Variants in TMEM272 observed in about 807,000 individuals in gnomAD.
TMEM272 encodes the protein long intergenic non-protein coding RNA 282.
A neutral mutation model predicts 3.7 loss-of-function variants in TMEM272; 8 were observed. That is an observed-to-expected ratio of 2.17 (90% confidence interval 1.27 to 3.91). The LOEUF (loss-of-function observed/expected upper bound fraction) is 3.91, where lower values mean the gene tolerates loss of function less well. Ranked by LOEUF, TMEM272 falls within the 30% of genes most tolerant of loss-of-function variation. The pLI, the probability that TMEM272 is intolerant of heterozygous loss-of-function variation, is 0.00. For missense variants in TMEM272, 166 were observed against 91.5 expected (o/e 1.81, Z -3.32); for synonymous variants, 63 against 39.8 (o/e 1.58, Z -2.20).
chr13:51,870,294 C>G, the TMEM272 span, among the ~76,000 whole-genome samples: 1 of 152,204 alleles, frequency 6.6e-6, no homozygotes, highest in Admixed American at 6.5e-5. Flanking sequence ...CAGAGCCATC[C>G]ATTTTATTAG....
intron 3 of TMEM272, among the ~76,000 whole-genome samples, chr13:51,822,528 G>C (rs951324437): frequency 1.3e-5 from 2 of 152,168 alleles, no homozygotes; most frequent in Non-Finnish European, 2.9e-5. Context: ...CTTAAAATAA[G>C]GTTCAATTTA....
At chr13:51,902,846 AC>A in the TMEM272 span, among the ~76,000 whole-genome samples, 1 of 152,276 alleles carries the variant, frequency 6.6e-6, no homozygotes, top group Admixed American at 6.5e-5. Flanking sequence ...GAAACAGATA[AC>A]TAACACAGCC....
intron 2 of TMEM272, among the ~76,000 whole-genome samples, chr13:51,826,964 A>T (rs1409175944): frequency 1.3e-5 from 2 of 152,228 alleles, no homozygotes; most frequent in Non-Finnish European, 2.9e-5. Context: ...GCCGGCATCC[A>T]CTGAGCCAGG....
chr13:51,931,843 A>G, the TMEM272 span, among the ~76,000 whole-genome samples: 644 of 152,192 alleles, frequency 4.2e-3, 7 homozygotes, highest in African/African-American at 0.015. Flanking sequence ...TGCAGTCACA[A>G]TGAGCCATGA....
intron 2 of TMEM272, among the ~76,000 whole-genome samples, chr13:51,829,059 C>A (rs144642687): frequency 3.3e-4 from 50 of 152,254 alleles, no homozygotes; most frequent in Non-Finnish European, 4.9e-4. Context: ...TAGAATACAC[C>A]CATATCAAGA....
At chr13:51,831,150 G>C (rs1275917300) in intron 2 of TMEM272, among the ~76,000 whole-genome samples, 2 of 152,186 alleles carry the variant, frequency 1.3e-5, no homozygotes, top group South Asian at 2.1e-4. Flanking sequence ...ACCCTGGCAT[G>C]GTTGCTCACA....
the TMEM272 span, among the ~76,000 whole-genome samples, chr13:51,868,353 T>C: frequency 6.6e-6 from 1 of 152,222 alleles, no homozygotes; most frequent in African/African-American, 2.4e-5. Flanking sequence ...CAGCAGTGCA[T>C]GTCACTCGAG....
At chr13:51,893,647 A>G in the TMEM272 span, among the ~76,000 whole-genome samples, 1 of 152,052 alleles carries the variant, frequency 6.6e-6, no homozygotes, top group African/African-American at 2.4e-5. Flanking sequence ...GAGAATGTGA[A>G]CATTCAAATG....
chr13:51,820,727 C>T (rs1956071565), intron 4 of TMEM272, among the ~76,000 whole-genome samples: 1 of 152,188 alleles, frequency 6.6e-6, no homozygotes, highest in African/African-American at 2.4e-5. Context: ...GGCACTCAAA[C>T]CGTTAGAGCC....
chr13:51,838,834 C>T (rs920126840), intron 1 of TMEM272, among the ~76,000 whole-genome samples: 3 of 152,180 alleles, frequency 2.0e-5, no homozygotes, highest in Non-Finnish European at 4.4e-5. Flanking sequence ...ATGGTAACAG[C>T]TCTCACTTGC....
At chr13:51,866,197 T>C in the TMEM272 span, 2 of 885,408 alleles carry the variant, frequency 2.3e-6, no homozygotes, top group Non-Finnish European at 3.3e-6. Flanking sequence ...CTTTGAAAGA[T>C]CCAATAAAGT....
At chr13:51,869,558 C>T in the TMEM272 span, among the ~76,000 whole-genome samples, 5 of 151,152 alleles carry the variant, frequency 3.3e-5, no homozygotes, top group African/African-American at 7.3e-5. Context: ...GGCACGATCT[C>T]GGCTCACTGC....
At chr13:51,919,392 G>A in the TMEM272 span, among the ~76,000 whole-genome samples, 1 of 152,050 alleles carries the variant, frequency 6.6e-6, no homozygotes, top group African/African-American at 2.4e-5. Flanking sequence ...TATAGCTGAA[G>A]GCCCCGACAC....
At chr13:51,884,136 T>C in the TMEM272 span, among the ~76,000 whole-genome samples, 2 of 152,216 alleles carry the variant, frequency 1.3e-5, no homozygotes, top group Non-Finnish European at 2.9e-5. Flanking sequence ...TAGAGAATGA[T>C]GCACCCTCAG....
rs531788790 is a variant in TMEM272, at chr13:51,834,368, C to T, written c.58+4105G>A. Among the ~76,000 whole-genome samples the T allele has an allele frequency of 2.0e-5, 3 of 152,232 alleles. No homozygotes were observed. In the East Asian group the frequency reaches 5.8e-4, roughly 29 times the overall value. ...GCCCCAGACCCCCAAAAGAGGAAAA[C>T]GTGATTCCTCCTCTCCAACTCCCAT... On this transcript the variant is annotated intron_variant, in intron 2 of 4. Coordinates refer to ENST00000629372, the MANE Select transcript of TMEM272 (RefSeq NM_001351003.2).
the TMEM272 span, among the ~76,000 whole-genome samples, chr13:51,931,691 A>C: frequency 6.6e-6 from 1 of 152,188 alleles, no homozygotes; most frequent in African/African-American, 2.4e-5. Flanking sequence ...TCCCTTCCTA[A>C]GGTGGTATCA....
At chr13:51,819,152 G>A (rs1956058371) in intron 4 of TMEM272, among the ~76,000 whole-genome samples, 1 of 152,204 alleles carries the variant, frequency 6.6e-6, no homozygotes, top group South Asian at 2.1e-4. Context: ...GGAAGAAGGG[G>A]CATACTTGGG....
At chr13:51,905,816 C>T in the TMEM272 span, among the ~76,000 whole-genome samples, 1 of 152,256 alleles carries the variant, frequency 6.6e-6, no homozygotes, top group Admixed American at 6.5e-5. Flanking sequence ...GAGGACAATG[C>T]CCCATGGTTC....
the TMEM272 span, chr13:51,921,113 G>C: frequency 6.6e-6 from 1 of 152,256 alleles, no homozygotes; most frequent in African/African-American, 2.4e-5. Flanking sequence ...TCAATACGCA[G>C]ACATTGATCT....
Sources: allele counts gnomAD v4.1 joint callset (sites outside exome capture counted in the v4.1 genomes callset), GRCh38; gene constraint gnomAD v4.1.1; transcripts MANE v1.5; gene names NCBI Gene and HGNC (gene_info 2026-07-23, HGNC 2026-07-21).